The following SCAPER variants were observed in gnomAD, a reference collection of about 807,000 sequenced individuals.
The protein encoded by SCAPER is S phase cyclin A-associated protein in the endoplasmic reticulum.
SCAPER carries 98 observed loss-of-function variants against 182.2 expected under a neutral mutation model. The observed-to-expected ratio is 0.54, with a 90% confidence interval of 0.46 to 0.64. The LOEUF is 0.64. SCAPER is among the 30% of genes least tolerant of loss of function. The pLI, the probability that SCAPER is intolerant of heterozygous loss-of-function variation, is 0.00. For synonymous variants in SCAPER, 605 were observed against 564.6 expected (o/e 1.07, Z -1.01); for missense variants, 1,432 against 1,690.0 (o/e 0.85, Z 2.68).
chr15:76,676,191 T>C (rs564615498), intron 20 of SCAPER, among the ~76,000 whole-genome samples: 3 of 152,206 alleles, frequency 2.0e-5, no homozygotes, highest in Admixed American at 1.3e-4. Flanking sequence ...TGATTTGAAC[T>C]CTGCTCAGAA....
chr15:76,786,341 A>AAAC (rs1366059390), intron 8 of SCAPER, among the ~76,000 whole-genome samples: 1 of 151,726 alleles, frequency 6.6e-6, no homozygotes, highest in African/African-American at 2.4e-5. Flanking sequence ...AAAAAAAAAA[A>AAAC]AAAATCAATC....
chr15:76,722,896 T>A (rs1365497286), intron 17 of SCAPER, among the ~76,000 whole-genome samples: 2 of 152,204 alleles, frequency 1.3e-5, no homozygotes, highest in Non-Finnish European at 2.9e-5. Context: ...ATTCATTGAT[T>A]TTTTGAAGGG....
chr15:76,897,955 T>G (rs2074527026), intron 1 of SCAPER, among the ~76,000 whole-genome samples: 1 of 152,006 alleles, frequency 6.6e-6, no homozygotes, highest in Admixed American at 6.6e-5. Context: ...AAGTAGGAGA[T>G]GTATATTTCA....
chr15:76,490,457 T>C (rs562325189), intron 24 of SCAPER, among the ~76,000 whole-genome samples: 12 of 152,324 alleles, frequency 7.9e-5, no homozygotes, highest in African/African-American at 2.9e-4. Context: ...AAAGATATAG[T>C]AGATCTATTT....
intron 20 of SCAPER, among the ~76,000 whole-genome samples, chr15:76,695,596 C>CAAA (rs36040189): frequency 1.8e-5 from 2 of 112,082 alleles, no homozygotes; most frequent in African/African-American, 7.5e-5. Flanking sequence ...GACTCCGTCT[C>CAAA]AAAAAAAAAA....
chr15:76,518,584 T>C (rs1325601252), intron 23 of SCAPER, among the ~76,000 whole-genome samples: 4 of 152,188 alleles, frequency 2.6e-5, no homozygotes, highest in African/African-American at 4.8e-5. Context: ...GCCTGCTCTC[T>C]GGAGCTAGAG....
intron 27 of SCAPER, among the ~76,000 whole-genome samples, chr15:76,394,620 C>G (rs142466335): frequency 6.6e-6 from 1 of 152,314 alleles, no homozygotes; most frequent in East Asian, 1.9e-4. Flanking sequence ...ATTCTTCACA[C>G]GACACTTGAC....
At chr15:76,460,473 CTAAAT>C (rs1343377164) in intron 25 of SCAPER, among the ~76,000 whole-genome samples, 1 of 152,056 alleles carries the variant, frequency 6.6e-6, no homozygotes, top group Non-Finnish European at 1.5e-5. Context: ...CTGGGTTTTT[CTAAAT>C]ATAAGATCAT....
intron 5 of SCAPER, among the ~76,000 whole-genome samples, chr15:76,828,098 G>C (rs1431404854): frequency 6.6e-6 from 1 of 152,030 alleles, no homozygotes; most frequent in South Asian, 2.1e-4. Context: ...ACCATGTGAT[G>C]TCCTATGTTG....
chr15:76,895,023 C>T (rs1323913509), intron 1 of SCAPER, among the ~76,000 whole-genome samples: 2 of 152,122 alleles, frequency 1.3e-5, no homozygotes, highest in African/African-American at 2.4e-5. Context: ...TTTCCAAACT[C>T]ATTTCACAAG....
rs1031434966 is a variant in SCAPER at position 76,348,517 on chromosome 15, C to T, written c.*116G>A. 4.8e-6 allele frequency: 3 copies of T among 627,842 alleles called. No individual in the cohort carries two copies. Among genetic ancestry groups the T allele is most frequent in the Non-Finnish European group, 8.2e-6 (3 of 366,806 alleles). 38.9% of individuals were successfully genotyped at this position (627,842 alleles called of 1,614,324 possible). A position where few individuals can be genotyped will look rare whatever the true frequency, so the allele number is the denominator to read the frequency against. ...TAGTGTAAAGTACATGCCATATCTA[C>T]AGTGTGGGAAGAGTATAAACATGGG... On this transcript the variant is annotated 3_prime_UTR_variant, in exon 32 of 32. Coordinates refer to ENST00000563290, the MANE Select transcript of SCAPER (RefSeq NM_020843.4).
chr15:76,865,461 T>C (rs1368282617), intron 2 of SCAPER, among the ~76,000 whole-genome samples: 4 of 152,068 alleles, frequency 2.6e-5, no homozygotes, highest in African/African-American at 4.8e-5. Context: ...CAAAACAGAA[T>C]GATGAGAAAA....
At chr15:76,508,022 A>C (rs1291290036) in intron 23 of SCAPER, among the ~76,000 whole-genome samples, 1 of 152,154 alleles carries the variant, frequency 6.6e-6, no homozygotes, top group East Asian at 1.9e-4. Context: ...TACAACTCCA[A>C]AATTAAAATA....
chr15:76,497,989 C>CA (rs747096625), intron 24 of SCAPER, among the ~76,000 whole-genome samples: 3,619 of 58,162 alleles, frequency 0.062, 780 homozygotes, highest in South Asian at 0.086. Context: ...GACTCCGTCT[C>CA]AAAAAAAAAA....
intron 20 of SCAPER, among the ~76,000 whole-genome samples, chr15:76,680,633 G>A (rs529216313): frequency 2.4e-4 from 36 of 151,966 alleles, no homozygotes; most frequent in Non-Finnish European, 4.1e-4. Flanking sequence ...TTGGTGGAGC[G>A]GTGAGTCCTT....
At chr15:76,375,615 A>G (rs2141887446) in intron 29 of SCAPER, among the ~76,000 whole-genome samples, 1 of 152,352 alleles carries the variant, frequency 6.6e-6, no homozygotes, top group East Asian at 1.9e-4. Flanking sequence ...GTGGCTTAAG[A>G]ATATTTTATT....
At chr15:76,538,139 A>G (rs1208291951) in intron 23 of SCAPER, among the ~76,000 whole-genome samples, 1 of 146,756 alleles carries the variant, frequency 6.8e-6, no homozygotes, top group African/African-American at 2.5e-5. Flanking sequence ...TAGTTCAACC[A>G]TTGTGGAAGT....
intron 23 of SCAPER, among the ~76,000 whole-genome samples, chr15:76,543,831 A>G (rs2045004351): frequency 6.6e-6 from 1 of 152,184 alleles, no homozygotes; most frequent in Non-Finnish European, 1.5e-5. Context: ...AAAATGAAAA[A>G]CAGATAAACT....
At chr15:76,738,003 G>A (rs2151090467) in intron 15 of SCAPER, among the ~76,000 whole-genome samples, 1 of 152,268 alleles carries the variant, frequency 6.6e-6, no homozygotes, top group South Asian at 2.1e-4. Flanking sequence ...CACCATATCA[G>A]CAATAACCTG....
Sources: allele counts gnomAD v4.1 joint callset (sites outside exome capture counted in the v4.1 genomes callset), GRCh38; gene constraint gnomAD v4.1.1; transcripts MANE v1.5; gene names NCBI Gene and HGNC (gene_info 2026-07-23, HGNC 2026-07-21).